Variants in VOPP1 observed in about 807,000 individuals in gnomAD.
VOPP1 encodes WW domain binding protein VOPP1.
VOPP1 carries 8 observed loss-of-function variants against 23.5 expected under a neutral mutation model. The ratio of observed to expected loss-of-function variants is 0.34; its 90% CI spans 0.20 to 0.61. VOPP1 has a LOEUF of 0.61. Ranked by LOEUF, VOPP1 falls within the 20% of genes least tolerant of loss-of-function variation. The probability of loss-of-function intolerance (pLI) is 0.78; values close to 1 mark genes in which losing one functional copy is unlikely to be tolerated. For missense variants in VOPP1, 174 were observed against 238.1 expected, an observed-to-expected ratio of 0.73 and a Z score of 1.77; for synonymous variants, 83 against 97.3, an observed-to-expected ratio of 0.85 and a Z score of 0.86.
At chr7:55,531,499 G>A (rs1020702559) in intron 1 of VOPP1, among the ~76,000 whole-genome samples, 8 of 151,904 alleles carry the variant, frequency 5.3e-5, no homozygotes, top group Non-Finnish European at 8.8e-5. Flanking sequence ...ACAGGCACGC[G>A]CCACCACACC....
chr7:55,489,585 G>A (rs1290231106), intron 4 of VOPP1, among the ~76,000 whole-genome samples: 4 of 152,128 alleles, frequency 2.6e-5, no homozygotes, highest in African/African-American at 9.7e-5. Context: ...CGGTGACTGA[G>A]GGCAGGTGTC....
At position 55,548,367 on chromosome 7, in the gene VOPP1, G is replaced by A. The variant is rs563630821; in HGVS notation, c.54+23904C>T. Among the ~76,000 whole-genome samples the A allele has an allele frequency of 4.0e-4, 61 of 152,336 alleles. 1 individual carries two copies. In the South Asian group the frequency reaches 0.012, roughly 31 times the overall value. On this transcript the variant is annotated intron_variant, in intron 1 of 4. Transcript: ENST00000285279. ...CAGACCCCAATGACTAATTTGAGAAGAGCAGTGGCTGACCGCCTGGTCCTC... is the reference window on the plus strand; with the variant it reads ...CAGACCCCAATGACTAATTTGAGAAAAGCAGTGGCTGACCGCCTGGTCCTC...
At chr7:55,565,764 CACTAGTATAA>C (rs11278974) in intron 1 of VOPP1, among the ~76,000 whole-genome samples, 146,254 of 151,956 alleles carry the variant, frequency 0.96, 70,480 homozygotes, top group East Asian at 1. Context: ...TGGGAGGACG[CACTAGTATAA>C]ACTAGTATAA....
intron 4 of VOPP1, among the ~76,000 whole-genome samples, chr7:55,452,413 C>T (rs914513698): frequency 1.6e-4 from 25 of 152,184 alleles, no homozygotes; most frequent in African/African-American, 5.3e-4. Flanking sequence ...CTCCCAAGCT[C>T]CTGTTAATGT....
chr7:55,468,105 T>A (rs1791677575), downstream of VOPP1, among the ~76,000 whole-genome samples: 1 of 151,844 alleles, frequency 6.6e-6, no homozygotes, highest in Admixed American at 6.6e-5. Context: ...AACTCATCTC[T>A]ACTAAAAATA....
intron 1 of VOPP1, among the ~76,000 whole-genome samples, chr7:55,565,272 C>A (rs954997835): frequency 6.6e-5 from 10 of 152,158 alleles, no homozygotes; most frequent in African/African-American, 1.9e-4. Context: ...CTCCCGCATT[C>A]TAGACTCTCA....
intron 1 of VOPP1, among the ~76,000 whole-genome samples, chr7:55,524,019 C>T (rs1324380476): frequency 6.6e-6 from 1 of 152,172 alleles, no homozygotes; most frequent in African/African-American, 2.4e-5. Context: ...CCCCTTTAGG[C>T]CAGGGGCAAC....
intron 4 of VOPP1, among the ~76,000 whole-genome samples, chr7:55,449,399 A>G (rs1266144969): frequency 6.6e-6 from 1 of 152,044 alleles, no homozygotes; most frequent in African/African-American, 2.4e-5. Flanking sequence ...CAGGTCAGGG[A>G]CACCCGTCCA....
At chr7:55,505,945 AGATCACT>A (rs1310148361) in intron 2 of VOPP1, among the ~76,000 whole-genome samples, 2 of 152,246 alleles carry the variant, frequency 1.3e-5, no homozygotes, top group African/African-American at 4.8e-5. Context: ...GGACAGTGTC[AGATCACT>A]GATGCCCCGT....
intron 1 of VOPP1, among the ~76,000 whole-genome samples, chr7:55,534,632 T>C (rs1796678612): frequency 6.6e-6 from 1 of 152,188 alleles, no homozygotes; most frequent in African/African-American, 2.4e-5. Context: ...TCTCCAGCTG[T>C]AGCCCTCTTG....
chr7:55,521,994 T>A, intron 1 of VOPP1: 1 of 762,246 alleles, frequency 1.3e-6, no homozygotes, highest in Non-Finnish European at 1.6e-6. Flanking sequence ...CATGTGTAAA[T>A]AAAACCTTCA....
At chr7:55,568,070 G>C (rs1042833768) in intron 1 of VOPP1, among the ~76,000 whole-genome samples, 2 of 142,316 alleles carry the variant, frequency 1.4e-5, no homozygotes, top group African/African-American at 5.2e-5. Flanking sequence ...CTCTCTAAGA[G>C]ACAACTATTC....
chr7:55,543,874 GTTGA>G (rs1160774567), intron 1 of VOPP1, among the ~76,000 whole-genome samples: 2 of 152,102 alleles, frequency 1.3e-5, no homozygotes, highest in Non-Finnish European at 2.9e-5. Flanking sequence ...TTTTCACTTT[GTTGA>G]TTGTTTTCTT....
intron 1 of VOPP1, among the ~76,000 whole-genome samples, chr7:55,543,299 G>T (rs1041962019): frequency 2.6e-5 from 4 of 152,108 alleles, no homozygotes; most frequent in Non-Finnish European, 2.9e-5. Context: ...TCCACTGATG[G>T]GCACTTAGGT....
intron 1 of VOPP1, among the ~76,000 whole-genome samples, chr7:55,536,125 G>A (rs187141274): frequency 8.9e-4 from 135 of 152,300 alleles, no homozygotes; most frequent in Non-Finnish European, 2.4e-4. Flanking sequence ...TGGTGGAAAC[G>A]CTCACATATC....
At chr7:55,455,705 G>A (rs746126548) in intron 4 of VOPP1, among the ~76,000 whole-genome samples, 36 of 152,204 alleles carry the variant, frequency 2.4e-4, no homozygotes, top group Non-Finnish European at 4.1e-4. Flanking sequence ...AATGGGGAAA[G>A]GATTCCCTAT....
Position 55,521,723 on chromosome 7 carries a change from G to A in VOPP1, c.55-593C>T, listed in dbSNP as rs1041462900. On this transcript the variant is annotated intron_variant, in intron 1 of 4. Transcript: ENST00000285279. Reference sequence around the variant, plus strand: ...CCTAACATCCCGGAGGCAGGGCCCAGCCCCACAGGGCAGGGCAGGGCAGGG... The same window carrying A: ...CCTAACATCCCGGAGGCAGGGCCCAACCCCACAGGGCAGGGCAGGGCAGGG... The A allele has an allele frequency of 3.0e-6, 3 of 986,854 alleles. No homozygotes were observed. The African/African-American group carries it at 5.2e-5, about 17-fold the overall frequency. 61.1% of individuals were successfully genotyped at this position (986,854 alleles called of 1,614,324 possible).
Position 55,572,256 on chromosome 7 carries a change from G to A in VOPP1, c.54+15C>T. 2.0e-6 allele frequency: 3 copies of A among 1,520,278 alleles called. No homozygotes were observed. The highest frequency in any genetic ancestry group is 2.6e-6 in the Non-Finnish European group (3 of 1,143,618). The allele number at this position is 1,520,278 out of a possible 1,614,324, so 94.2% of individuals were successfully genotyped here. ...GGCGCCGCGCCTCCGGCAGCACCCG[G>A]TCCCCGGCCCCTACCTCCAAGAGCA... is the stretch of plus-strand genomic sequence containing the variant. On this transcript the variant is annotated intron_variant, in intron 1 of 4. Coordinates refer to ENST00000285279, the MANE Select transcript of VOPP1 (RefSeq NM_030796.5).
intron 2 of VOPP1, among the ~76,000 whole-genome samples, chr7:55,498,139 T>C (rs1266278403): frequency 2.0e-5 from 3 of 152,240 alleles, no homozygotes; most frequent in South Asian, 4.1e-4. Flanking sequence ...AAGCAGAGGC[T>C]GTGGAGTTAG....
Sources: gnomAD v4.1 joint callset for allele counts (sites outside exome capture counted in the v4.1 genomes callset) on GRCh38, gnomAD v4.1.1 for gene constraint, MANE v1.5 for transcripts, NCBI Gene and HGNC (gene_info 2026-07-23, HGNC 2026-07-21) for gene names.